The following CALN1 variants were observed in gnomAD, a reference collection of about 807,000 sequenced individuals.
CALN1 encodes calneuron 1.
Under a neutral mutation model 30.6 loss-of-function variants are expected in CALN1, and 17 were observed. The ratio of observed to expected loss-of-function variants is 0.56; its 90% CI spans 0.38 to 0.83. CALN1 has a LOEUF of 0.83. Ranked by LOEUF, CALN1 falls within the 40% of genes least tolerant of loss-of-function variation. CALN1 has a pLI of 0.00. For missense variants in CALN1, 291 were observed against 354.9 expected, an observed-to-expected ratio of 0.82 and a Z score of 1.45; for synonymous variants, 156 against 131.4, an observed-to-expected ratio of 1.19 and a Z score of -1.28.
intron 2 of CALN1, among the ~76,000 whole-genome samples, chr7:72,351,569 G>A (rs531016641): frequency 5.5e-4 from 83 of 152,262 alleles, no homozygotes; most frequent in African/African-American, 1.9e-3. Context: ...AAGGGAGTAA[G>A]GAAATGGAAA....
intron 5 of CALN1, among the ~76,000 whole-genome samples, chr7:71,927,644 T>C (rs1216881135): frequency 6.6e-6 from 1 of 152,208 alleles, no homozygotes; most frequent in African/African-American, 2.4e-5. Context: ...CCCTTTTTTA[T>C]GCTCTTCCTC....
At chr7:72,321,774 C>T (rs1800899569) in intron 2 of CALN1, among the ~76,000 whole-genome samples, 1 of 152,182 alleles carries the variant, frequency 6.6e-6, no homozygotes, top group Admixed American at 6.5e-5. Context: ...GCTCTGTCTC[C>T]TGATTCTCCC....
chr7:72,355,083 AT>A (rs1773017666), intron 2 of CALN1, among the ~76,000 whole-genome samples: 2 of 151,830 alleles, frequency 1.3e-5, no homozygotes, highest in South Asian at 4.2e-4. Flanking sequence ...TAATTTTTGT[AT>A]TTTTTATAGA....
chr7:72,108,144 C>T (rs1036608456), intron 3 of CALN1, among the ~76,000 whole-genome samples: 9 of 152,222 alleles, frequency 5.9e-5, no homozygotes, highest in Non-Finnish European at 1.2e-4. Context: ...CTTCCAGCTG[C>T]CAGAGGCTGC....
intron 1 of CALN1, among the ~76,000 whole-genome samples, chr7:72,433,158 G>A (rs1808031302): frequency 6.6e-6 from 1 of 152,142 alleles, no homozygotes; most frequent in Admixed American, 6.5e-5. Flanking sequence ...AGGGGGAAAG[G>A]AACCTGCCCC....
At chr7:71,964,696 A>C (rs1244687454) in intron 5 of CALN1, among the ~76,000 whole-genome samples, 1 of 151,142 alleles carries the variant, frequency 6.6e-6, no homozygotes, top group East Asian at 1.9e-4. Context: ...CAAAAAAAGG[A>C]ACAACCCTTT....
intron 3 of CALN1, among the ~76,000 whole-genome samples, chr7:72,215,872 C>T (rs984972273): frequency 1.3e-5 from 2 of 152,076 alleles, no homozygotes; most frequent in African/African-American, 2.4e-5. Context: ...GGACTTGGTC[C>T]CGGCCACTTC....
At chr7:72,369,031 T>A (rs539246888) in intron 2 of CALN1, among the ~76,000 whole-genome samples, 5 of 151,550 alleles carry the variant, frequency 3.3e-5, no homozygotes, top group Admixed American at 2.6e-4. Context: ...GCCAGGCTGA[T>A]CTCGAACTCC....
At chr7:72,412,609 G>GGC (rs761394228), upstream of CALN1, among the ~76,000 whole-genome samples, 21 of 152,288 alleles carry the variant, frequency 1.4e-4, no homozygotes, top group East Asian at 2.3e-3. Context: ...AGCCCAGCTG[G>GGC]CTTCACCTCT....
At chr7:71,886,773 CAAA>C (rs1314583586) in intron 5 of CALN1, among the ~76,000 whole-genome samples, 4 of 98,322 alleles carry the variant, frequency 4.1e-5, no homozygotes, top group Admixed American at 1.2e-4. Flanking sequence ...GACTCCATCT[CAAA>C]AAAAAAAAAA....
chr7:72,377,293 T>A (rs2944786), intron 2 of CALN1, among the ~76,000 whole-genome samples: 54,551 of 152,070 alleles, frequency 0.36, 10,643 homozygotes, highest in Middle Eastern at 0.53. Flanking sequence ...AGCTTTTTTT[T>A]AGATATATTT....
chr7:72,387,025 G>A (rs531593663), intron 2 of CALN1, among the ~76,000 whole-genome samples: 1 of 151,346 alleles, frequency 6.6e-6, no homozygotes, highest in East Asian at 1.9e-4. Flanking sequence ...ACATCTTTCA[G>A]TGCCAGAAAG....
At chr7:72,167,586 C>G (rs1788618526) in intron 3 of CALN1, among the ~76,000 whole-genome samples, 1 of 152,194 alleles carries the variant, frequency 6.6e-6, no homozygotes, top group South Asian at 2.1e-4. Flanking sequence ...CTCAAGTGAT[C>G]CACCCTCCTC....
intron 5 of CALN1, among the ~76,000 whole-genome samples, chr7:71,932,726 G>A (rs1795620428): frequency 6.7e-6 from 1 of 150,164 alleles, no homozygotes; most frequent in African/African-American, 2.5e-5. Flanking sequence ...TGAGGCAGGA[G>A]AATGGCATGA....
At chr7:71,903,189 A>T (rs1793954644) in intron 5 of CALN1, among the ~76,000 whole-genome samples, 1 of 152,164 alleles carries the variant, frequency 6.6e-6, no homozygotes, top group Non-Finnish European at 1.5e-5. Context: ...TAAAATATTT[A>T]AAAAGGGCTA....
chr7:72,436,543 T>C (rs940045394), intron 1 of CALN1, among the ~76,000 whole-genome samples: 1 of 152,190 alleles, frequency 6.6e-6, no homozygotes, highest in Non-Finnish European at 1.5e-5. Context: ...AGTCTCTTGG[T>C]GACTAGGAGG....
chr7:72,430,173 G>A (rs1478551415), intron 1 of CALN1, among the ~76,000 whole-genome samples: 1 of 148,130 alleles, frequency 6.8e-6, no homozygotes, highest in South Asian at 2.1e-4. Flanking sequence ...ATATATAATC[G>A]TATATTTATA....
At chr7:72,201,312 G>A (rs1159728074) in intron 3 of CALN1, among the ~76,000 whole-genome samples, 1 of 152,126 alleles carries the variant, frequency 6.6e-6, no homozygotes, top group African/African-American at 2.4e-5. Flanking sequence ...TATTGTGCAG[G>A]GCACGGTGGC....
the CALN1 span, among the ~76,000 whole-genome samples, chr7:72,461,734 G>A: frequency 1.3e-5 from 2 of 152,202 alleles, no homozygotes; most frequent in African/African-American, 2.4e-5. Context: ...TGGGTTGGGC[G>A]TGGTGGCTCA....
Sources: gnomAD v4.1 joint callset for allele counts (sites outside exome capture counted in the v4.1 genomes callset) on GRCh38, gnomAD v4.1.1 for gene constraint, MANE v1.5 for transcripts, NCBI Gene and HGNC (gene_info 2026-07-23, HGNC 2026-07-21) for gene names.